CSMD1: variants seen among roughly 807,000 people sequenced by gnomAD.
CSMD1 encodes CUB and sushi domain-containing protein 1.
Under a neutral mutation model 417.5 loss-of-function variants are expected in CSMD1, and 213 were observed. The ratio of observed to expected loss-of-function variants is 0.51; its 90% CI spans 0.46 to 0.57. The LOEUF is 0.57. Ranked by LOEUF, CSMD1 falls within the 20% of genes least tolerant of loss-of-function variation. The pLI is 0.00. For missense variants in CSMD1, 6,923 were observed against 4,529.7 expected (o/e 1.53, Z -15.17); for synonymous variants, 2,862 against 1,736.8 (o/e 1.65, Z -16.11).
chr8:4,049,421 C>A (rs10106646), intron 3 of CSMD1, among the ~76,000 whole-genome samples: 1 of 151,394 alleles, frequency 6.6e-6, no homozygotes, highest in Admixed American at 6.6e-5. Flanking sequence ...AAAATTACCC[C>A]CAGCTCAAAA....
intron 62 of CSMD1, among the ~76,000 whole-genome samples, chr8:2,959,738 G>A (rs138817271): frequency 2.6e-5 from 4 of 152,158 alleles, no homozygotes; most frequent in Admixed American, 6.5e-5. Context: ...GTGTAAGTAA[G>A]GTTTCAGCAT....
intron 10 of CSMD1, among the ~76,000 whole-genome samples, chr8:3,512,595 T>C (rs543277094): frequency 7.1e-6 from 1 of 141,788 alleles, no homozygotes; most frequent in African/African-American, 2.9e-5. Context: ...TACTTTAATT[T>C]TTTTCTTTTT....
chr8:4,568,928 A>T (rs1363969110), intron 2 of CSMD1, among the ~76,000 whole-genome samples: 1 of 152,146 alleles, frequency 6.6e-6, no homozygotes, highest in Non-Finnish European at 1.5e-5. Flanking sequence ...TCTTTTGAGA[A>T]GTGTCTGTTC....
intron 3 of CSMD1, among the ~76,000 whole-genome samples, chr8:4,315,569 C>T (rs904685878): frequency 2.0e-5 from 3 of 152,100 alleles, no homozygotes; most frequent in African/African-American, 4.8e-5. Context: ...TAAGGAGAAC[C>T]AATCTTCCAT....
chr8:4,091,689 G>A (rs910268051), intron 3 of CSMD1, among the ~76,000 whole-genome samples: 1 of 152,166 alleles, frequency 6.6e-6, no homozygotes, highest in Non-Finnish European at 1.5e-5. Flanking sequence ...AATCTGTGAA[G>A]ACTTAGGAAA....
intron 1 of CSMD1, among the ~76,000 whole-genome samples, chr8:4,704,140 T>C (rs1807765611): frequency 6.6e-6 from 1 of 152,178 alleles, no homozygotes. Context: ...TGGGGACCCG[T>C]GATCTAGCTA....
rs924664649 is a variant in CSMD1, at chr8:3,096,944, G to T, written c.7043C>A (p.Ser2348Tyr). Residue 2348 changes from serine to tyrosine, a missense_variant, in exon 47 of 70, where the codon TCT (serine) becomes TAT (tyrosine). Transcript: ENST00000635120. ...GTTTGGTTCCACTTTAATACTCCAA[G>T]AGCAAGTCTGGGAGTTAAAATAATT... ...PGNYFNSQTC[S>Y]WSIKVEPNYN... 6.4e-7 allele frequency: 1 copy of T among 1,555,662 alleles called. No individual in the cohort carries two copies.
At chr8:3,537,143 A>G (rs770189371) in intron 10 of CSMD1, among the ~76,000 whole-genome samples, 1 of 152,062 alleles carries the variant, frequency 6.6e-6, no homozygotes, top group Non-Finnish European at 1.5e-5. Context: ...AGCTGGGACT[A>G]CAGGTGCCCG....
intron 1 of CSMD1, among the ~76,000 whole-genome samples, chr8:4,740,976 T>C (rs1676937): frequency 0.036 from 5,413 of 152,214 alleles, 294 homozygotes; most frequent in African/African-American, 0.12. Flanking sequence ...TTTCTTATAA[T>C]AAAAATTAAC....
intron 3 of CSMD1, among the ~76,000 whole-genome samples, chr8:4,161,950 C>T (rs138735692): frequency 6.6e-6 from 1 of 152,080 alleles, no homozygotes; most frequent in African/African-American, 2.4e-5. Context: ...AAGTATAGTA[C>T]ACAACATACC....
intron 3 of CSMD1, among the ~76,000 whole-genome samples, chr8:4,074,511 A>C (rs943909860): frequency 6.6e-6 from 1 of 152,140 alleles, no homozygotes; most frequent in South Asian, 2.1e-4. Flanking sequence ...ATACTTTACA[A>C]AACATGATAT....
chr8:4,250,562 C>A (rs1285504778), intron 3 of CSMD1, among the ~76,000 whole-genome samples: 1 of 152,118 alleles, frequency 6.6e-6, no homozygotes, highest in Non-Finnish European at 1.5e-5. Context: ...GAATGGAAAG[C>A]TAATTTTCTT....
intron 3 of CSMD1, among the ~76,000 whole-genome samples, chr8:4,189,021 G>C (rs549748509): frequency 6.6e-6 from 1 of 152,212 alleles, no homozygotes; most frequent in East Asian, 1.9e-4. Flanking sequence ...CGGTTACTGG[G>C]CAAAGCCACT....
intron 10 of CSMD1, among the ~76,000 whole-genome samples, chr8:3,563,110 A>G (rs542097249): frequency 1.3e-5 from 2 of 152,202 alleles, no homozygotes; most frequent in African/African-American, 2.4e-5. Flanking sequence ...CATTTTATAA[A>G]TATTTTCAAG....
At chr8:4,276,288 G>A (rs1048977080) in intron 3 of CSMD1, among the ~76,000 whole-genome samples, 4 of 152,166 alleles carry the variant, frequency 2.6e-5, no homozygotes, top group Admixed American at 6.5e-5. Context: ...GGAATACTAT[G>A]CAGCCATAAA....
intron 49 of CSMD1, 55 bp downstream of exon 49, chr8:3,087,042 T>C: frequency 1.4e-6 from 2 of 1,443,910 alleles, no homozygotes; most frequent in Non-Finnish European, 1.9e-6. Context: ...AGAGAGTGAT[T>C]AAAATGAGAG....
intron 5 of CSMD1, among the ~76,000 whole-genome samples, chr8:3,931,045 C>T (rs938006284): frequency 6.6e-6 from 1 of 150,376 alleles, no homozygotes; most frequent in Admixed American, 6.6e-5. Flanking sequence ...ATCTTAACTG[C>T]GGTATGATCG....
intron 3 of CSMD1, among the ~76,000 whole-genome samples, chr8:4,233,161 T>C (rs1279503931): frequency 6.6e-6 from 1 of 152,232 alleles, no homozygotes; most frequent in Non-Finnish European, 1.5e-5. Context: ...GACATGCATT[T>C]TAATAGAAGC....
intron 26 of CSMD1, among the ~76,000 whole-genome samples, chr8:3,234,413 T>C (rs1327264009): frequency 2.0e-5 from 3 of 152,202 alleles, no homozygotes; most frequent in African/African-American, 7.2e-5. Flanking sequence ...ATCATTCTTC[T>C]CGTCATTATC....
Sources: gnomAD v4.1 joint callset for allele counts (sites outside exome capture counted in the v4.1 genomes callset) on GRCh38, gnomAD v4.1.1 for gene constraint, MANE v1.5 for transcripts, NCBI Gene and HGNC (gene_info 2026-07-23, HGNC 2026-07-21) for gene names.